DLC1: variants seen among roughly 807,000 people sequenced by gnomAD.
DLC1 encodes DLC1 Rho GTPase activating protein.
In DLC1, 54 loss-of-function variants were observed where a neutral mutation model predicts 140.3. The ratio of observed to expected loss-of-function variants is 0.38; its 90% CI spans 0.31 to 0.48. DLC1 has a LOEUF of 0.48. DLC1 is among the 20% of genes least tolerant of loss of function. The pLI is 0.96. For synonymous variants in DLC1, 986 were observed against 728.1 expected, an observed-to-expected ratio of 1.35 and a Z score of -5.70; for missense variants, 2,536 against 1,907.0, an observed-to-expected ratio of 1.33 and a Z score of -6.14.
Position 13,088,387 on chromosome 8 carries a change from A to G in DLC1, c.4292+100T>C. On this transcript the variant is annotated intron_variant, in intron 16 of 17. Coordinates refer to ENST00000276297, the MANE Select transcript of DLC1 (RefSeq NM_182643.3). ...GTGAGCCACCATATGCCCGGCCTCT[A>G]CTTTAAATAATTATACCATCTTGTA... The G allele has an allele frequency of 5.1e-6, 7 of 1,371,238 alleles. No homozygotes were observed. In the East Asian group the frequency reaches 1.5e-4, roughly 29 times the overall value. The allele number at this position is 1,371,238 out of a possible 1,614,324, so 84.9% of individuals were successfully genotyped here.
At chr8:13,440,031 G>A (rs190893344) in intron 2 of DLC1, among the ~76,000 whole-genome samples, 2 of 152,168 alleles carry the variant, frequency 1.3e-5, no homozygotes, top group Non-Finnish European at 2.9e-5. Flanking sequence ...CTGTGAGACG[G>A]TAATAGGTAT....
intron 5 of DLC1, among the ~76,000 whole-genome samples, chr8:13,275,729 C>T (rs1831135952): frequency 6.6e-6 from 1 of 152,202 alleles, no homozygotes; most frequent in African/African-American, 2.4e-5. Context: ...ATACATGACA[C>T]CGTCTTGGAA....
At chr8:13,220,001 G>T (rs888882880) in intron 5 of DLC1, among the ~76,000 whole-genome samples, 1 of 152,126 alleles carries the variant, frequency 6.6e-6, no homozygotes, top group African/African-American at 2.4e-5. Context: ...GCAGATTAGT[G>T]GTTTCTAGGG....
Position 13,585,487 on chromosome 8 carries a change from A to G in DLC1, c.-126+19050T>C, listed in dbSNP as rs188991422. Among the ~76,000 whole-genome samples, 88 of 152,342 alleles carry G rather than the reference A, an allele frequency of 5.8e-4. 1 individual carries two copies. The highest frequency in any genetic ancestry group is 4.3e-3 in the Admixed American group (66 of 15,302). On this transcript the variant is annotated intron_variant, in intron 1 of 1. Transcript: ENST00000631382. The stretch of plus-strand genomic sequence containing the variant: ...CACAGGGTAGCAGCCCTATAAGCTT[A>G]AGTTGTACTTTGTAATTTGTAAAGG...
rs531566402 is a variant in DLC1 at position 13,500,230 on chromosome 8, G to C, written c.-125-34C>G. 132 of 608,814 alleles carry C rather than the reference G, an allele frequency of 2.2e-4. 2 individuals are homozygous for C. In the South Asian group the frequency reaches 3.2e-3, roughly 15 times the overall value. 37.7% of individuals were successfully genotyped at this position (608,814 alleles called of 1,614,324 possible). ...AAATTCAAAAAAATATGTAGTCGCA[G>C]ATACGTTTCTAAAGTCAAAATATAT... is the stretch of plus-strand genomic sequence containing the variant. On this transcript the variant is annotated intron_variant, in intron 1 of 17. Transcript: ENST00000276297.
chr8:13,203,887 G>A (rs1422937838), intron 5 of DLC1, among the ~76,000 whole-genome samples: 1 of 152,188 alleles, frequency 6.6e-6, no homozygotes, highest in Non-Finnish European at 1.5e-5. Flanking sequence ...TTCCTTGGAA[G>A]TGTCATTTAT....
At chr8:13,592,809 T>A (rs1018949819) in intron 1 of DLC1, among the ~76,000 whole-genome samples, 9 of 152,104 alleles carry the variant, frequency 5.9e-5, no homozygotes, top group African/African-American at 2.2e-4. Context: ...TTTGTTTTGT[T>A]TTGTGGCTAA....
At chr8:13,424,174 C>A (rs1413944114) in intron 2 of DLC1, among the ~76,000 whole-genome samples, 1 of 152,038 alleles carries the variant, frequency 6.6e-6, no homozygotes, top group Non-Finnish European at 1.5e-5. Flanking sequence ...AACTCATTGT[C>A]CTACCTGGAA....
chr8:13,162,139 A>G (rs1824751520), intron 5 of DLC1, among the ~76,000 whole-genome samples: 1 of 152,208 alleles, frequency 6.6e-6, no homozygotes, highest in Non-Finnish European at 1.5e-5. Context: ...GCCTCAATGT[A>G]TAGCCACTGC....
At chr8:13,174,094 A>G (rs567065956) in intron 5 of DLC1, among the ~76,000 whole-genome samples, 18 of 152,112 alleles carry the variant, frequency 1.2e-4, no homozygotes, top group African/African-American at 4.3e-4. Context: ...GGGCCCACTT[A>G]TGAGTGGGGA....
intron 4 of DLC1, among the ~76,000 whole-genome samples, chr8:13,357,448 C>G (rs1834999330): frequency 6.6e-6 from 1 of 152,188 alleles, no homozygotes; most frequent in African/African-American, 2.4e-5. Flanking sequence ...CAGGCCTGAG[C>G]CCCAGCACGT....
chr8:13,522,428 C>A (rs1319764255), intron 1 of DLC1, among the ~76,000 whole-genome samples: 1 of 152,092 alleles, frequency 6.6e-6, no homozygotes, highest in East Asian at 1.9e-4. Context: ...AGTTCAAGAC[C>A]AGCCTGGCCA....
At position 13,396,060 on chromosome 8, in the gene DLC1, TTC is replaced by T. The variant is rs58372660; in HGVS notation, c.1174-2369_1174-2368del. Among the ~76,000 whole-genome samples, 1,232 of 136,444 alleles carry T rather than the reference TTC, an allele frequency of 9.0e-3. 28 individuals are homozygous for T. The highest frequency in any genetic ancestry group is 0.035 in the African/African-American group (1,168 of 33,620). 89.5% of individuals were successfully genotyped at this position (136,444 alleles called of 152,430 possible). On this transcript the variant is annotated intron_variant, in intron 3 of 17. Transcript: ENST00000276297. ...AATATTTTGCATTAATTTCTTTTCT[TTC>T]TTTTTTTTTTTTTTTGAGACGGAGT...
At chr8:13,148,815 T>C (rs1014734302) in intron 5 of DLC1, among the ~76,000 whole-genome samples, 8 of 152,102 alleles carry the variant, frequency 5.3e-5, no homozygotes, top group Non-Finnish European at 1.0e-4. Flanking sequence ...TTTTATGAGA[T>C]GGAGTCTTGC....
intron 5 of DLC1, among the ~76,000 whole-genome samples, chr8:13,170,517 T>G (rs1236473951): frequency 2.0e-5 from 3 of 152,014 alleles, no homozygotes; most frequent in Admixed American, 6.6e-5. Flanking sequence ...GATCATGAGG[T>G]CAGGAAATCG....
In DLC1 at chr8:13,121,086, AT is replaced by A. The variant is rs57895263; in HGVS notation, c.1349-5430del. Among the ~76,000 whole-genome samples, 1,289 of 152,256 alleles carry A rather than the reference AT, an allele frequency of 8.5e-3. 18 individuals carry two copies. The highest frequency in any genetic ancestry group is 0.029 in the African/African-American group (1,213 of 41,546). On this transcript the variant is annotated intron_variant, in intron 5 of 17. Coordinates refer to ENST00000276297, the MANE Select transcript of DLC1 (RefSeq NM_182643.3). ...GGCTTCGATGCAAATGGTACAGTGA[AT>A]TTTTTTTAAAAATGCAATTTTAAGA...
chr8:13,433,274 C>T lies in DLC1; in HGVS notation c.1024-31655G>A, dbSNP rs888163679. 6.6e-5 allele frequency among the ~76,000 whole-genome samples: 10 copies of T among 152,200 alleles called. No individual in the cohort carries two copies. In the East Asian group the frequency reaches 1.2e-3, roughly 18 times the overall value. On this transcript the variant is annotated intron_variant, in intron 2 of 17. Coordinates refer to ENST00000276297, the MANE Select transcript of DLC1 (RefSeq NM_182643.3). ...TCTCTTTGATAAAAATGGCGAGGCT[C>T]TTACTGAAAATGTGTAAGGGTGTTC...
intron 2 of DLC1, among the ~76,000 whole-genome samples, chr8:13,473,598 A>G (rs1307869016): frequency 6.6e-6 from 1 of 151,960 alleles, no homozygotes; most frequent in African/African-American, 2.4e-5. Flanking sequence ...AAATGTGGAA[A>G]AGTTCAGAAC....
intron 2 of DLC1, among the ~76,000 whole-genome samples, chr8:13,476,435 C>T (rs1407233230): frequency 6.7e-6 from 1 of 149,512 alleles, no homozygotes; most frequent in Non-Finnish European, 1.5e-5. Context: ...GGAGATGAGA[C>T]ATATTTTCAT....
Sources: gnomAD v4.1 joint callset for allele counts (sites outside exome capture counted in the v4.1 genomes callset) on GRCh38, gnomAD v4.1.1 for gene constraint, MANE v1.5 for transcripts, NCBI Gene and HGNC (gene_info 2026-07-23, HGNC 2026-07-21) for gene names.